The following PDE10A variants were observed in gnomAD, a reference collection of about 807,000 sequenced individuals.
The protein encoded by PDE10A is phosphodiesterase 10A, also known as cAMP and cAMP-inhibited cGMP 3',5'-cyclic phosphodiesterase 10A.
Under a neutral mutation model 97.7 loss-of-function variants are expected in PDE10A, and 39 were observed. The observed-to-expected ratio is 0.40, with a 90% confidence interval of 0.31 to 0.52. PDE10A has a LOEUF of 0.52. Ranked by LOEUF, PDE10A falls within the 20% of genes least tolerant of loss-of-function variation. The pLI, the probability that PDE10A is intolerant of heterozygous loss-of-function variation, is 0.56. For missense variants in PDE10A, 731 were observed against 1,047.8 expected (o/e 0.70, Z 4.17); for synonymous variants, 371 against 376.8 (o/e 0.98, Z 0.18).
In PDE10A at chr6:165,489,432, A is replaced by G. The variant is rs376489175; in HGVS notation, c.995-7089T>C. On this transcript the variant is annotated intron_variant, in intron 2 of 21. Transcript: ENST00000539869. ...ACATCAAGGGAGCACCCCATGGGAT[A>G]AAAGAATCTGAACAGCAGCCCTTGA... 2.0e-5 allele frequency among the ~76,000 whole-genome samples: 3 copies of G among 152,348 alleles called. 1 individual carries two copies. The highest frequency in any genetic ancestry group is 7.2e-5 in the African/African-American group (3 of 41,588).
intron 5 of PDE10A, among the ~76,000 whole-genome samples, chr6:165,442,181 T>C (rs554185560): frequency 2.0e-5 from 3 of 152,180 alleles, no homozygotes; most frequent in African/African-American, 4.8e-5. Context: ...GTAGGGTACA[T>C]GTGCACAACG....
intron 1 of PDE10A, among the ~76,000 whole-genome samples, chr6:165,566,969 A>C (rs576383224): frequency 6.6e-6 from 1 of 152,352 alleles, no homozygotes; most frequent in African/African-American, 2.4e-5. Flanking sequence ...TGCATACTTA[A>C]GTCCATCAAA....
intron 1 of PDE10A, chr6:165,576,264 T>A: frequency 3.1e-6 from 2 of 642,814 alleles, no homozygotes; most frequent in East Asian, 2.5e-5. Context: ...CCAAAAAGAG[T>A]CAAGGTGTGA....
chr6:165,477,451 C>T (rs1054715703), intron 3 of PDE10A, among the ~76,000 whole-genome samples: 22 of 152,156 alleles, frequency 1.4e-4, no homozygotes, highest in Admixed American at 6.5e-4. Flanking sequence ...ATGCCATGAG[C>T]GCAGGGATTT....
intron 1 of PDE10A, among the ~76,000 whole-genome samples, chr6:165,626,693 TC>T (rs1330754807): frequency 6.7e-6 from 1 of 148,794 alleles, no homozygotes; most frequent in Non-Finnish European, 1.5e-5. Context: ...CTTTGCGATT[TC>T]CCTCCCTGGT....
intron 18 of PDE10A, among the ~76,000 whole-genome samples, chr6:165,350,758 T>C (rs1286100659): frequency 6.6e-6 from 1 of 152,148 alleles, no homozygotes; most frequent in Non-Finnish European, 1.5e-5. Flanking sequence ...CTCATGATAG[T>C]GAGTTAGTTC....
chr6:165,860,549 C>T (rs973634392), intron 1 of PDE10A, among the ~76,000 whole-genome samples: 4 of 152,334 alleles, frequency 2.6e-5, no homozygotes, highest in Admixed American at 2.0e-4. Context: ...GGAACAGGGA[C>T]GCAGAACGGC....
At chr6:165,459,062 T>C (rs961661753) in intron 3 of PDE10A, among the ~76,000 whole-genome samples, 1 of 152,152 alleles carries the variant, frequency 6.6e-6, no homozygotes, top group Non-Finnish European at 1.5e-5. Context: ...TATAGGCCAA[T>C]TTTGATTTGT....
chr6:165,638,635 G>A (rs925489810), intron 1 of PDE10A, among the ~76,000 whole-genome samples: 3 of 152,084 alleles, frequency 2.0e-5, no homozygotes, highest in Admixed American at 6.5e-5. Context: ...TTTAAAAAAG[G>A]ATATACTATG....
chr6:165,872,068 T>G (rs984849205), intron 1 of PDE10A, among the ~76,000 whole-genome samples: 2 of 152,076 alleles, frequency 1.3e-5, no homozygotes, highest in African/African-American at 4.8e-5. Context: ...ATTGGATGCA[T>G]TTTTGCCTTT....
intron 1 of PDE10A, among the ~76,000 whole-genome samples, chr6:165,557,216 C>T (rs909723092): frequency 4.1e-4 from 63 of 151,898 alleles, no homozygotes; most frequent in East Asian, 1.9e-4. Flanking sequence ...GATTAAAATA[C>T]GTTACAGAAG....
intron 1 of PDE10A, among the ~76,000 whole-genome samples, chr6:165,608,446 T>A (rs1488718138): frequency 6.7e-6 from 1 of 149,714 alleles, no homozygotes; most frequent in East Asian, 1.9e-4. Flanking sequence ...GAACTCATCC[T>A]TTTTTTATGG....
At chr6:165,640,309 A>T (rs1046064678) in intron 1 of PDE10A, among the ~76,000 whole-genome samples, 13 of 152,008 alleles carry the variant, frequency 8.6e-5, no homozygotes, top group Non-Finnish European at 1.2e-4. Flanking sequence ...ACATATTAAA[A>T]TTTTTTTTAC....
At chr6:165,724,262 T>C (rs1003080879) in intron 1 of PDE10A, among the ~76,000 whole-genome samples, 2 of 152,244 alleles carry the variant, frequency 1.3e-5, no homozygotes, top group Non-Finnish European at 2.9e-5. Flanking sequence ...GTCTAACCCC[T>C]AGGGGCTCAG....
At chr6:165,977,581 T>G (rs759537863) in intron 1 of PDE10A, among the ~76,000 whole-genome samples, 2 of 152,236 alleles carry the variant, frequency 1.3e-5, no homozygotes, top group African/African-American at 2.4e-5. Flanking sequence ...ATTCTATATC[T>G]GAATTTTAAG....
intron 1 of PDE10A, among the ~76,000 whole-genome samples, chr6:165,717,415 C>A (rs1172921770): frequency 1.3e-5 from 2 of 152,078 alleles, no homozygotes; most frequent in Admixed American, 6.6e-5. Context: ...TATGATGAAA[C>A]CCTGTTTCTA....
chr6:165,492,178 A>G lies in PDE10A; in HGVS notation c.995-9835T>C, dbSNP rs556513832. On this transcript the variant is annotated intron_variant, in intron 2 of 21. Coordinates refer to ENST00000539869, the MANE Select transcript of PDE10A (RefSeq NM_001385079.1). Reference sequence around the variant, plus strand: ...AACCAGGAATAAACAGAAACTCTGAACAGACTAATAACAAGCAGCGAGATT... The same window carrying G: ...AACCAGGAATAAACAGAAACTCTGAGCAGACTAATAACAAGCAGCGAGATT... 2.6e-5 allele frequency among the ~76,000 whole-genome samples: 4 copies of G among 152,318 alleles called. No homozygotes were observed. The South Asian group carries it at 6.2e-4, about 24-fold the overall frequency.
intron 1 of PDE10A, among the ~76,000 whole-genome samples, chr6:165,950,205 T>C (rs1783910057): frequency 6.6e-6 from 1 of 152,204 alleles, no homozygotes; most frequent in East Asian, 1.9e-4. Flanking sequence ...TCCTGTGACC[T>C]GAATAGGAGA....
chr6:165,831,204 C>G (rs1296750339), intron 1 of PDE10A, among the ~76,000 whole-genome samples: 4 of 151,336 alleles, frequency 2.6e-5, no homozygotes, highest in Non-Finnish European at 4.4e-5. Context: ...AACCCCGTCT[C>G]TACTAAAAAT....
Sources: allele counts gnomAD v4.1 joint callset (sites outside exome capture counted in the v4.1 genomes callset), GRCh38; gene constraint gnomAD v4.1.1; transcripts MANE v1.5; gene names NCBI Gene and HGNC (gene_info 2026-07-23, HGNC 2026-07-21).